The following NEXMIF variants were observed in gnomAD, a reference collection of about 807,000 sequenced individuals.
The protein encoded by NEXMIF is neurite extension and migration factor.
Under a neutral mutation model 62.1 loss-of-function variants are expected in NEXMIF, and 8 were observed. The observed-to-expected ratio is 0.13, with a 90% CI of 0.08 to 0.23. The LOEUF (loss-of-function observed/expected upper bound fraction) is 0.23, where lower values mean the gene tolerates loss of function less well. Among genes scored for constraint, NEXMIF ranks in the 10% least tolerant of loss-of-function variants. The probability of loss-of-function intolerance (pLI) is 1.00; values close to 1 mark genes in which losing one functional copy is unlikely to be tolerated. For synonymous variants in NEXMIF, 404 were observed against 416.6 expected, an observed-to-expected ratio of 0.97 and a Z score of 0.37; for missense variants, 976 against 1,113.3, an observed-to-expected ratio of 0.88 and a Z score of 1.75.
At chrX:74,834,456 G>C (rs1440404672) in intron 1 of NEXMIF, among the ~76,000 whole-genome samples, 1 of 111,712 alleles carries the variant, frequency 9.0e-6, no homozygotes, top group Non-Finnish European at 1.9e-5. Context: ...ATTTCAGATT[G>C]AAGAATTCCC....
intron 1 of NEXMIF, among the ~76,000 whole-genome samples, chrX:74,787,294 G>GAAAA (rs34477446): frequency 1.1e-5 from 1 of 94,918 alleles, no homozygotes; most frequent in Non-Finnish European, 2.1e-5. Flanking sequence ...AAAGAAAAAA[G>GAAAA]AAAAAAAAAA....
intron 1 of NEXMIF, among the ~76,000 whole-genome samples, chrX:74,835,625 T>G (rs1488355794): frequency 9.0e-6 from 1 of 111,561 alleles, no homozygotes; most frequent in Admixed American, 9.5e-5. Flanking sequence ...AAACAGTCTC[T>G]GTCTCTGAGC....
At chrX:74,796,963 G>T (rs1332689391) in intron 1 of NEXMIF, among the ~76,000 whole-genome samples, 1 of 111,787 alleles carries the variant, frequency 8.9e-6, no homozygotes, top group Non-Finnish European at 1.9e-5. Context: ...TTAACCAAAT[G>T]ACCAAAGTTA....
intron 1 of NEXMIF, among the ~76,000 whole-genome samples, chrX:74,853,271 C>A (rs1033086439): frequency 4.6e-5 from 5 of 109,810 alleles, no homozygotes; most frequent in African/African-American, 1.7e-4. Context: ...CTTGAGGAGG[C>A]AGTGATTGAT....
chrX:74,819,489 GA>G (rs1381191270), intron 1 of NEXMIF, among the ~76,000 whole-genome samples: 2 of 111,371 alleles, frequency 1.8e-5, no homozygotes, highest in Non-Finnish European at 3.8e-5. Flanking sequence ...AAATTTACAA[GA>G]AAAAAATCAA....
At chrX:74,849,144 G>A (rs935387358) in intron 1 of NEXMIF, among the ~76,000 whole-genome samples, 2 of 112,388 alleles carry the variant, frequency 1.8e-5, no homozygotes, top group African/African-American at 6.5e-5. Flanking sequence ...CAAGGTGGCT[G>A]ACTGGAAGCA....
intron 1 of NEXMIF, among the ~76,000 whole-genome samples, chrX:74,922,837 G>A (rs1405280624): frequency 9.0e-6 from 1 of 111,654 alleles, no homozygotes; most frequent in Non-Finnish European, 1.9e-5. Context: ...CTTAAAAACT[G>A]TCTAAAAGGA....
intron 1 of NEXMIF, among the ~76,000 whole-genome samples, chrX:74,842,044 T>C (rs921623460): frequency 8.9e-6 from 1 of 111,933 alleles, no homozygotes; most frequent in East Asian, 2.8e-4. Context: ...GAATAGTTTC[T>C]GTGAGAATAG....
chrX:74,835,923 CATCAGAAATTAGCCT>C (rs1276622367), intron 1 of NEXMIF, among the ~76,000 whole-genome samples: 2 of 112,245 alleles, frequency 1.8e-5, no homozygotes, highest in Non-Finnish European at 3.8e-5. Context: ...GTTAAAAAAA[CATCAGAAATTAGCCT>C]GATGTTCTAT....
chrX:74,900,131 A>T (rs753482583), intron 1 of NEXMIF, among the ~76,000 whole-genome samples: 70 of 111,433 alleles, frequency 6.3e-4, no homozygotes, highest in East Asian at 1.7e-3. Flanking sequence ...CATCAAAACC[A>T]CAATAAGATA....
chrX:74,741,026 C>T lies in NEXMIF; in HGVS notation c.3531G>A (p.Lys1177=). The T allele has an allele frequency of 8.3e-7, 1 of 1,211,250 alleles. No homozygotes were observed. The highest frequency in any genetic ancestry group is 2.3e-4 in the Middle Eastern group (1 of 4,352). The change falls in exon 3 of 4, where the codon AAG becomes AAA. Residue 1177 remains lysine (K), a synonymous_variant. Coordinates refer to ENST00000055682, the MANE Select transcript of NEXMIF (RefSeq NM_001008537.3). ...STNNKVSKSR[K]KSSPSKSGAM... is the part of the protein sequence containing the mutation. The stretch of plus-strand genomic sequence containing the variant: ...CCCCACTCTTGCTGGGTGAACTTTT[C>T]TTTCTTGATTTTGACACTTTGTTGT...
intron 1 of NEXMIF, among the ~76,000 whole-genome samples, chrX:74,922,381 G>A (rs1034817455): frequency 9.0e-6 from 1 of 110,612 alleles, no homozygotes; most frequent in African/African-American, 3.3e-5. Flanking sequence ...AAAAAGCACT[G>A]ATGCATCAAA....
At chrX:74,740,074 T>C in intron 3 of NEXMIF, 26 bp downstream of exon 3, 4 of 1,185,537 alleles carry the variant, frequency 3.4e-6, no homozygotes, top group Non-Finnish European at 4.6e-6. Context: ...GGGTGCATCA[T>C]CTCAGCCATA....
chrX:74,762,784 A>G (rs1448205470), intron 1 of NEXMIF, among the ~76,000 whole-genome samples: 15 of 111,098 alleles, frequency 1.4e-4, no homozygotes, highest in Non-Finnish European at 1.1e-4. Context: ...GTCTGTTCAT[A>G]TCCTTCACCC....
At chrX:74,851,276 T>G (rs1024998474) in intron 1 of NEXMIF, among the ~76,000 whole-genome samples, 2 of 111,164 alleles carry the variant, frequency 1.8e-5, no homozygotes, top group Non-Finnish European at 3.8e-5. Context: ...AAAAGGTGAA[T>G]AGAAGAACAA....
At chrX:74,790,973 T>C (rs1224593315) in intron 1 of NEXMIF, among the ~76,000 whole-genome samples, 1 of 110,811 alleles carries the variant, frequency 9.0e-6, no homozygotes, top group Non-Finnish European at 1.9e-5. Flanking sequence ...TTTATCTCCT[T>C]CTCCTGCCTA....
At chrX:74,787,800 C>T (rs772974135) in intron 1 of NEXMIF, among the ~76,000 whole-genome samples, 1 of 112,151 alleles carries the variant, frequency 8.9e-6, no homozygotes, top group Non-Finnish European at 1.9e-5. Flanking sequence ...GTTATGGTGA[C>T]AATGTTTTGA....
chrX:74,742,763 G>A lies in NEXMIF; in HGVS notation c.1794C>T (p.Asn598=). The change falls in exon 3 of 4, where the codon AAC becomes AAT. Residue 598 remains asparagine (N), a synonymous_variant. Transcript: ENST00000055682. ...WQKKKKQRNT[N]TDSIKTPFSQ... ...AAAAAGGTGTCTTGATGGAGTCCGT[G>A]TTGGTGTTTCTCTGCTTCTTCTTCT... 1.7e-6 allele frequency: 2 copies of A among 1,211,297 alleles called. No individual in the cohort carries two copies. Among genetic ancestry groups the A allele is most frequent in the Non-Finnish European group, 1.1e-6 (1 of 895,360 alleles).
At chrX:74,827,595 A>T (rs2080422796) in intron 1 of NEXMIF, among the ~76,000 whole-genome samples, 1 of 112,178 alleles carries the variant, frequency 8.9e-6, no homozygotes, top group South Asian at 3.7e-4. Flanking sequence ...TCTTATCAAG[A>T]CTAATTTTGA....
Sources: allele counts gnomAD v4.1 joint callset (sites outside exome capture counted in the v4.1 genomes callset), GRCh38; gene constraint gnomAD v4.1.1; transcripts MANE v1.5; gene names NCBI Gene and HGNC (gene_info 2026-07-23, HGNC 2026-07-21).